The following ZSWIM7 variants were observed in gnomAD, a reference collection of about 807,000 sequenced individuals.
ZSWIM7 encodes the protein zinc finger SWIM domain-containing protein 7.
In ZSWIM7, 22 loss-of-function variants were observed where a neutral mutation model predicts 21.1. The ratio of observed to expected loss-of-function variants is 1.04; its 90% CI spans 0.74 to 1.49. The LOEUF is 1.49. ZSWIM7 is among the 40% of genes most tolerant of loss of function. ZSWIM7 has a pLI of 0.00. For missense variants in ZSWIM7, 193 were observed against 168.0 expected, an observed-to-expected ratio of 1.15 and a Z score of -0.82; for synonymous variants, 67 against 66.5, an observed-to-expected ratio of 1.01 and a Z score of -0.04.
At chr17:15,987,001 T>A in intron 3 of ZSWIM7, 1 of 268,814 alleles carries the variant, frequency 3.7e-6, no homozygotes, top group East Asian at 7.5e-5. Context: ...GTATTAGATA[T>A]GTTAATTAGC....
At chr17:15,988,640 C>A (rs1460093389) in intron 2 of ZSWIM7, among the ~76,000 whole-genome samples, 1 of 151,206 alleles carries the variant, frequency 6.6e-6, no homozygotes, top group African/African-American at 2.5e-5. Context: ...TGTAGTGACA[C>A]CCCATCTCTA....
Position 15,978,957 on chromosome 17 carries a change from T to TTTTTAA in ZSWIM7, c.307-800_307-795dup, listed in dbSNP as rs1195917485. ...TCTAGGCTACTCTCTCTTTTTTTTT[T>TTTTTAA]TTTTAATTTTAATTTTAATTTTTGT... On this transcript the variant is annotated intron_variant, in intron 4 of 4. Coordinates refer to ENST00000399277, the MANE Select transcript of ZSWIM7 (RefSeq NM_001042697.2). Among the ~76,000 whole-genome samples, 307 of 151,718 alleles carry TTTTTAA rather than the reference T, an allele frequency of 2.0e-3. 1 individual carries two copies. The highest frequency in any genetic ancestry group is 0.01 in the Middle Eastern group (3 of 292).
chr17:15,989,312 A>G (rs1166813929), intron 2 of ZSWIM7, among the ~76,000 whole-genome samples: 1 of 152,030 alleles, frequency 6.6e-6, no homozygotes, highest in East Asian at 1.9e-4. Context: ...TGTCAAAATT[A>G]AAAGTTTAAT....
chr17:15,985,748 A>G (rs2151623980), intron 3 of ZSWIM7, among the ~76,000 whole-genome samples: 1 of 152,350 alleles, frequency 6.6e-6, no homozygotes, highest in East Asian at 1.9e-4. Context: ...TAATTAAACT[A>G]TTTCAAACAA....
At chr17:15,994,279 C>T (rs563715272) in intron 1 of ZSWIM7, among the ~76,000 whole-genome samples, 6 of 152,098 alleles carry the variant, frequency 3.9e-5, no homozygotes, top group Non-Finnish European at 5.9e-5. Context: ...GTATGAATTC[C>T]AAAGGATGAG....
intron 1 of ZSWIM7, among the ~76,000 whole-genome samples, chr17:15,996,724 A>G (rs1202081922): frequency 6.6e-6 from 1 of 151,874 alleles, no homozygotes; most frequent in African/African-American, 2.4e-5. Flanking sequence ...GGTGGTGCAC[A>G]CCTGTGGTAC....
At chr17:15,985,265 A>T (rs6502480) in intron 3 of ZSWIM7, among the ~76,000 whole-genome samples, 94,611 of 150,804 alleles carry the variant, frequency 0.63, 30,903 homozygotes, top group African/African-American at 0.81. Context: ...GATCATGCCA[A>T]TGCACTCCAG....
At chr17:15,987,444 A>G (rs1970427672) in intron 2 of ZSWIM7, 76 bp from the exon 3 acceptor site, 1 of 1,209,590 alleles carries the variant, frequency 8.3e-7, no homozygotes, top group Non-Finnish European at 1.2e-6. Context: ...AAGGATCACT[A>G]GACTTAGTAT....
chr17:15,992,900 T>C (rs573386068), intron 2 of ZSWIM7, among the ~76,000 whole-genome samples: 1 of 152,180 alleles, frequency 6.6e-6, no homozygotes, highest in African/African-American at 2.4e-5. Flanking sequence ...TTTTTTGAGA[T>C]GGAATTTTGC....
At chr17:15,997,445 A>C (rs751716542) in intron 1 of ZSWIM7, among the ~76,000 whole-genome samples, 11 of 152,192 alleles carry the variant, frequency 7.2e-5, no homozygotes, top group Non-Finnish European at 1.2e-4. Flanking sequence ...TAAAAAACTA[A>C]ATAAGCACAT....
intron 2 of ZSWIM7, among the ~76,000 whole-genome samples, chr17:15,992,685 C>T (rs947777451): frequency 6.6e-6 from 1 of 151,880 alleles, no homozygotes; most frequent in Non-Finnish European, 1.5e-5. Flanking sequence ...GTGATTCGCC[C>T]GTCTCGGCCT....
intron 4 of ZSWIM7, among the ~76,000 whole-genome samples, chr17:15,979,647 G>A (rs1970325854): frequency 7.8e-6 from 1 of 128,100 alleles, no homozygotes; most frequent in African/African-American, 3.1e-5. Context: ...CCCGGACGGG[G>A]CGGCTGGCTG....
At chr17:15,985,147 T>C (rs990681096) in intron 3 of ZSWIM7, among the ~76,000 whole-genome samples, 3 of 151,798 alleles carry the variant, frequency 2.0e-5, no homozygotes, top group African/African-American at 7.3e-5. Flanking sequence ...CTACTAAAAA[T>C]ACAAAAACTA....
intron 2 of ZSWIM7, among the ~76,000 whole-genome samples, chr17:15,992,208 T>A (rs1264966051): frequency 1.3e-5 from 2 of 152,162 alleles, no homozygotes; most frequent in Non-Finnish European, 2.9e-5. Flanking sequence ...ATTACAGGCG[T>A]GAGCCACCGC....
chr17:15,987,244 A>G lies in ZSWIM7; in HGVS notation c.201+22T>C. 4 of 1,589,070 alleles carry G rather than the reference A, an allele frequency of 2.5e-6. No individual in the cohort carries two copies. In the Middle Eastern group the frequency reaches 6.7e-4, roughly 265 times the overall value. The stretch of plus-strand genomic sequence containing the variant: ...GTCCTAAGGGGTTTCTGTAGGGATC[A>G]CCCCCATCTCTAGACTTCTACCTGG... On this transcript the variant is annotated intron_variant, in intron 3 of 4. Coordinates refer to ENST00000399277, the MANE Select transcript of ZSWIM7 (RefSeq NM_001042697.2).
intron 4 of ZSWIM7, among the ~76,000 whole-genome samples, chr17:15,979,036 AGG>A (rs1283793234): frequency 6.8e-6 from 1 of 147,180 alleles, no homozygotes; most frequent in East Asian, 2.0e-4. Context: ...TTTCTCACAG[AGG>A]GGGATTTGGC....
intron 4 of ZSWIM7, among the ~76,000 whole-genome samples, chr17:15,980,028 C>T (rs112460699): frequency 6.6e-5 from 8 of 121,458 alleles, no homozygotes; most frequent in African/African-American, 1.5e-4. Flanking sequence ...GCTGGCCGGG[C>T]GGGGGGCTGA....
intron 1 of ZSWIM7, among the ~76,000 whole-genome samples, chr17:15,996,768 T>C (rs1970560171): frequency 6.6e-6 from 1 of 151,850 alleles, no homozygotes; most frequent in African/African-American, 2.4e-5. Flanking sequence ...AGAGGATCTC[T>C]TGAGCCTGGG....
At chr17:15,999,351 T>C in intron 1 of ZSWIM7, 168 bp downstream of exon 1, 1 of 937,956 alleles carries the variant, frequency 1.1e-6, no homozygotes, top group South Asian at 1.5e-5. Flanking sequence ...AATTTCGCTT[T>C]TTTGTTGTTT....
Sources: gnomAD v4.1 joint callset for allele counts (sites outside exome capture counted in the v4.1 genomes callset) on GRCh38, gnomAD v4.1.1 for gene constraint, MANE v1.5 for transcripts, NCBI Gene and HGNC (gene_info 2026-07-23, HGNC 2026-07-21) for gene names.